MGAT4C: variants seen among roughly 807,000 people sequenced by gnomAD.
MGAT4C encodes alpha-1,3-mannosyl-glycoprotein 4-beta-N-acetylglucosaminyltransferase C.
In MGAT4C, 19 loss-of-function variants were observed where a neutral mutation model predicts 40.1. The ratio of observed to expected loss-of-function variants is 0.47; its 90% CI spans 0.33 to 0.70. The LOEUF (loss-of-function observed/expected upper bound fraction) is 0.70, where lower values mean the gene tolerates loss of function less well. Among genes scored for constraint, MGAT4C ranks in the 30% least tolerant of loss-of-function variants. The pLI is 0.02. For synonymous variants in MGAT4C, 181 were observed against 187.1 expected (o/e 0.97, Z 0.27); for missense variants, 491 against 563.2 (o/e 0.87, Z 1.30).
At chr12:86,328,521 C>G (rs141921093) in intron 4 of MGAT4C, among the ~76,000 whole-genome samples, 1 of 151,898 alleles carries the variant, frequency 6.6e-6, no homozygotes, top group South Asian at 2.1e-4. Context: ...TATTTCTATA[C>G]AGCAACAATA....
intron 3 of MGAT4C, among the ~76,000 whole-genome samples, chr12:86,405,578 G>T (rs1956448287): frequency 6.6e-6 from 1 of 151,844 alleles, no homozygotes; most frequent in Admixed American, 6.6e-5. Context: ...CAGTTGTAAA[G>T]CAATTCTTAT....
intron 2 of MGAT4C, among the ~76,000 whole-genome samples, chr12:86,600,023 C>T (rs887116498): frequency 6.6e-6 from 1 of 151,950 alleles, no homozygotes; most frequent in South Asian, 2.1e-4. Flanking sequence ...TCACAGGTGA[C>T]AAGTTCCATG....
intron 1 of MGAT4C, among the ~76,000 whole-genome samples, chr12:86,210,095 G>T (rs1003776214): frequency 6.6e-6 from 1 of 151,962 alleles, no homozygotes; most frequent in East Asian, 1.9e-4. Context: ...TATCTACCTG[G>T]CCAATTGATC....
chr12:86,796,014 A>G (rs1406857890), intron 1 of MGAT4C, among the ~76,000 whole-genome samples: 1 of 152,038 alleles, frequency 6.6e-6, no homozygotes, highest in East Asian at 1.9e-4. Context: ...TGAACTTCAA[A>G]AAATTTACAC....
chr12:86,512,383 T>C (rs1437491772), intron 2 of MGAT4C, among the ~76,000 whole-genome samples: 1 of 152,092 alleles, frequency 6.6e-6, no homozygotes, highest in Admixed American at 6.6e-5. Context: ...ATAACTGCCA[T>C]ATGATCCAAC....
At chr12:86,204,083 G>T (rs1462247331) in intron 1 of MGAT4C, among the ~76,000 whole-genome samples, 1 of 151,462 alleles carries the variant, frequency 6.6e-6, no homozygotes, top group Non-Finnish European at 1.5e-5. Flanking sequence ...CCAACAGATG[G>T]TAGCAAACTT....
At chr12:86,137,594 C>G (rs552440846) in intron 1 of MGAT4C, among the ~76,000 whole-genome samples, 1 of 152,266 alleles carries the variant, frequency 6.6e-6, no homozygotes, top group Admixed American at 6.5e-5. Context: ...TCACCTTATA[C>G]GCTCAAGAAA....
chr12:86,582,789 T>C (rs568521204), intron 2 of MGAT4C, among the ~76,000 whole-genome samples: 2 of 151,314 alleles, frequency 1.3e-5, no homozygotes, highest in Non-Finnish European at 3.0e-5. Context: ...CATTGGGACT[T>C]ATGTCGACCA....
At chr12:86,054,948 TC>T (rs1016967511) in intron 1 of MGAT4C, among the ~76,000 whole-genome samples, 1 of 152,012 alleles carries the variant, frequency 6.6e-6, no homozygotes, top group Non-Finnish European at 1.5e-5. Context: ...TGAAACGGTT[TC>T]CCTTTTCTTC....
At chr12:86,688,157 C>CTTTTTTTTTTTTTTTTTT (rs55637680) in intron 2 of MGAT4C, among the ~76,000 whole-genome samples, 1 of 65,188 alleles carries the variant, frequency 1.5e-5, no homozygotes, top group African/African-American at 6.4e-5. Context: ...GCAACCCCTG[C>CTTTTTTTTTTTTTTTTTT]TTTTTTTTTT....
At chr12:86,499,626 A>G (rs886623860) in intron 2 of MGAT4C, among the ~76,000 whole-genome samples, 1 of 151,886 alleles carries the variant, frequency 6.6e-6, no homozygotes, top group Non-Finnish European at 1.5e-5. Context: ...TTCTGCTTAA[A>G]TTGCTAGTTA....
At chr12:86,016,357 C>T (rs1889088037) in intron 2 of MGAT4C, 1 of 152,176 alleles carries the variant, frequency 6.6e-6, no homozygotes, top group Non-Finnish European at 1.5e-5. Flanking sequence ...AATGACCTTG[C>T]CAGGACTTGG....
chr12:86,828,556 C>G (rs1283569136), intron 1 of MGAT4C, among the ~76,000 whole-genome samples: 2 of 151,314 alleles, frequency 1.3e-5, no homozygotes, highest in Non-Finnish European at 3.0e-5. Flanking sequence ...AATAGAGATT[C>G]TAGGAAAATG....
At position 86,005,531 on chromosome 12, in the gene MGAT4C, A is replaced by G. The variant is rs142163354; in HGVS notation, c.-6-15979T>C. ...TCTTGAAAAAGCTGGCCCAATAATA[A>G]TTGGCTTCTAGGGTTCTTAGCCTTA... is the stretch of plus-strand genomic sequence containing the variant. On this transcript the variant is annotated intron_variant, in intron 2 of 4. Coordinates refer to ENST00000611864, the MANE Select transcript of MGAT4C (RefSeq NM_001351288.2). 4.8e-3 allele frequency among the ~76,000 whole-genome samples: 731 copies of G among 152,250 alleles called. 3 individuals carry two copies. The highest frequency in any genetic ancestry group is 5.9e-3 in the Non-Finnish European group (403 of 68,012).
At chr12:86,521,775 C>A (rs1958799157) in intron 2 of MGAT4C, among the ~76,000 whole-genome samples, 1 of 151,302 alleles carries the variant, frequency 6.6e-6, no homozygotes, top group South Asian at 2.1e-4. Context: ...TCCTTTTTTT[C>A]CTTTGGGCAG....
At position 86,641,375 on chromosome 12, in the gene MGAT4C, G is replaced by A. The variant is rs534195724; in HGVS notation, c.-229+85834C>T. 1.6e-4 allele frequency among the ~76,000 whole-genome samples: 24 copies of A among 151,710 alleles called. No individual in the cohort carries two copies. The East Asian group carries it at 1.8e-3, about 11-fold the overall frequency. ...TACACTCTGGGGACTGTTGTGGGGT[G>A]GGGGGAGAGGGGAGGGATAGCTTTA... On this transcript the variant is annotated intron_variant, in intron 2 of 7. Transcript: ENST00000548651.
intron 1 of MGAT4C, among the ~76,000 whole-genome samples, chr12:86,136,123 CA>C (rs1201214950): frequency 2.0e-5 from 3 of 152,016 alleles, no homozygotes; most frequent in African/African-American, 7.3e-5. Flanking sequence ...TTTAAAACAT[CA>C]ATAAATATAT....
chr12:86,064,356 G>A (rs1314420118), intron 1 of MGAT4C, among the ~76,000 whole-genome samples: 1 of 152,030 alleles, frequency 6.6e-6, no homozygotes, highest in Non-Finnish European at 1.5e-5. Flanking sequence ...CTCCAGCCTG[G>A]GCAACAGAGC....
intron 3 of MGAT4C, among the ~76,000 whole-genome samples, chr12:86,389,390 C>T (rs1956123226): frequency 1.3e-5 from 2 of 152,166 alleles, no homozygotes; most frequent in Non-Finnish European, 1.5e-5. Flanking sequence ...TTTTTTATGG[C>T]TGCATAGTAT....
Sources: gnomAD v4.1 joint callset for allele counts (sites outside exome capture counted in the v4.1 genomes callset) on GRCh38, gnomAD v4.1.1 for gene constraint, MANE v1.5 for transcripts, NCBI Gene and HGNC (gene_info 2026-07-23, HGNC 2026-07-21) for gene names.